The following SLC28A2 variants were observed in gnomAD, a reference collection of about 807,000 sequenced individuals.
SLC28A2 encodes sodium/nucleoside cotransporter 2.
SLC28A2 carries 69 observed loss-of-function variants against 72.9 expected under a neutral mutation model. The observed-to-expected ratio is 0.95, with a 90% confidence interval of 0.78 to 1.16. The LOEUF is 1.16. Among genes scored for constraint, SLC28A2 ranks in the 50% most tolerant of loss-of-function variants. SLC28A2 has a pLI of 0.00. For synonymous variants in SLC28A2, 296 were observed against 294.1 expected, an observed-to-expected ratio of 1.01 and a Z score of -0.07; for missense variants, 745 against 791.1, an observed-to-expected ratio of 0.94 and a Z score of 0.70.
At chr15:45,264,089 C>T (rs1374281131) in intron 6 of SLC28A2, 67 bp downstream of exon 6, 14 of 1,422,546 alleles carry the variant, frequency 9.8e-6, no homozygotes, top group South Asian at 2.9e-5. Context: ...AATCATAAAG[C>T]GTATGCATCA....
At chr15:45,264,583 A>G in intron 6 of SLC28A2, 72 bp from the exon 7 acceptor site, 4 of 1,008,952 alleles carry the variant, frequency 4.0e-6, no homozygotes, top group Non-Finnish European at 3.2e-6. Flanking sequence ...CACCCAGAGT[A>G]CATGTTTAAA....
intron 3 of SLC28A2, among the ~76,000 whole-genome samples, chr15:45,256,276 C>T (rs2140559631): frequency 6.6e-6 from 1 of 152,260 alleles, no homozygotes; most frequent in Admixed American, 6.5e-5. Context: ...CCCAAACAAT[C>T]CTCATGTCTC....
At position 45,277,586 on chromosome 15, in the gene SLC28A2, C is replaced by T. The variant is rs1434396344; in HGVS notation, c.*2073C>T. The T allele has an allele frequency of 1.3e-5, 2 of 150,786 alleles. No individual in the cohort carries two copies. Among genetic ancestry groups the T allele is most frequent in the African/African-American group, 4.9e-5 (2 of 40,970 alleles). The allele number at this position is 150,786 out of a possible 1,614,324, so 9.3% of individuals were successfully genotyped here. ...CAAAAGTCTTATTATTGCATGATTC[C>T]ATTTAGATGAAATATTCAGAATATA... On this transcript the variant is annotated 3_prime_UTR_variant, in exon 18 of 18. Transcript: ENST00000347644.
Position 45,273,834 on chromosome 15 carries a change from T to C in SLC28A2, c.1859+1050T>C, listed in dbSNP as rs1337200485. 4.6e-5 allele frequency among the ~76,000 whole-genome samples: 7 copies of C among 152,178 alleles called. No individual in the cohort carries two copies. The East Asian group carries it at 1.3e-3, about 29-fold the overall frequency. On this transcript the variant is annotated intron_variant, in intron 17 of 17. Transcript: ENST00000347644. ...GAGGAAGGAGTCTCAAGTGACTATC[T>C]CTTTTCCGGCATAAGCAAGTGGGTC... is the stretch of plus-strand genomic sequence containing the variant.
chr15:45,272,385 G>A lies in SLC28A2; in HGVS notation c.1739G>A (p.Cys580Tyr). The stretch of plus-strand genomic sequence containing the variant: ...GCCTGTGTATCCCTTATCAGTGCCT[G>A]TATGGCAGGTAGGTGCCTCAGCTCT... ...TGACVSLISA[C>Y]MAGILYVPRG... The change falls in exon 16 of 18, where the codon TGT becomes TAT. Residue 580 changes from cysteine to tyrosine, a missense_variant. By Grantham distance (194) the Cys-to-Tyr change is radical. Transcript: ENST00000347644. The A allele has an allele frequency of 6.2e-7, 1 of 1,612,850 alleles. No homozygotes were observed. The highest frequency in any genetic ancestry group is 8.5e-7 in the Non-Finnish European group (1 of 1,179,038).
At chr15:45,269,900 T>C (rs1002957587) in intron 14 of SLC28A2, among the ~76,000 whole-genome samples, 3 of 152,216 alleles carry the variant, frequency 2.0e-5, no homozygotes, top group Admixed American at 6.5e-5. Flanking sequence ...ATTAATATTC[T>C]TTTTCTTTCC....
At chr15:45,272,024 G>A (rs1055456502) in intron 15 of SLC28A2, 2 of 373,034 alleles carry the variant, frequency 5.4e-6, no homozygotes, top group Admixed American at 4.3e-5. Context: ...GCTTTATCCA[G>A]ATACATCTTG....
chr15:45,272,205 T>A, intron 15 of SLC28A2, 90 bp from the exon 16 acceptor site: 1 of 976,552 alleles, frequency 1.0e-6, no homozygotes, highest in Admixed American at 2.0e-5. Flanking sequence ...GTGTTTTGTT[T>A]CTCTGCGTTC....
chr15:45,259,293 C>G (rs12915314), intron 3 of SLC28A2, among the ~76,000 whole-genome samples: 71,969 of 151,870 alleles, frequency 0.47, 20,721 homozygotes, highest in Non-Finnish European at 0.67. Context: ...ATATTTTAAG[C>G]CATCATGTTG....
At chr15:45,255,927 C>T (rs1012955146) in intron 3 of SLC28A2, 4 of 152,286 alleles carry the variant, frequency 2.6e-5, no homozygotes, top group African/African-American at 9.7e-5. Flanking sequence ...CCAGCTTCCC[C>T]TGCACCACTG....
chr15:45,267,166 T>C (rs192769861), intron 10 of SLC28A2, among the ~76,000 whole-genome samples: 143 of 152,350 alleles, frequency 9.4e-4, no homozygotes, highest in African/African-American at 3.4e-3. Flanking sequence ...AAATATACCA[T>C]TTCTCTTCTA....
intron 17 of SLC28A2, among the ~76,000 whole-genome samples, chr15:45,274,874 G>C (rs986512304): frequency 3.3e-5 from 5 of 151,990 alleles, no homozygotes; most frequent in Non-Finnish European, 5.9e-5. Context: ...CACAGGCCAG[G>C]CATGTGTCAC....
intron 16 of SLC28A2, 119 bp from the exon 17 acceptor site, chr15:45,272,554 C>A: frequency 1.2e-6 from 1 of 823,756 alleles, no homozygotes; most frequent in Non-Finnish European, 2.0e-6. Context: ...CCATGCATTC[C>A]ACAGATACAT....
intron 3 of SLC28A2, among the ~76,000 whole-genome samples, chr15:45,258,680 G>A (rs57259026): frequency 0.063 from 9,595 of 152,082 alleles, 1,008 homozygotes; most frequent in African/African-American, 0.22. Flanking sequence ...ATTGTACTTT[G>A]TACATTTTTA....
At chr15:45,263,473 G>A (rs539800908) in intron 5 of SLC28A2, among the ~76,000 whole-genome samples, 5 of 152,194 alleles carry the variant, frequency 3.3e-5, no homozygotes, top group Non-Finnish European at 5.9e-5. Flanking sequence ...TCAGAGAAGA[G>A]TTTTAGTCTG....
intron 1 of SLC28A2, 94 bp from the exon 2 acceptor site, chr15:45,253,106 C>T (rs553263481): frequency 2.6e-5 from 18 of 699,886 alleles, no homozygotes; most frequent in African/African-American, 1.9e-4. Flanking sequence ...TTTAGTTTTG[C>T]GTTTTCCATG....
At chr15:45,253,551 G>A (rs771163390) in intron 3 of SLC28A2, 31 bp downstream of exon 3, 1 of 1,511,090 alleles carries the variant, frequency 6.6e-7, no homozygotes, top group South Asian at 1.1e-5. Context: ...TGTTCAGTTA[G>A]GAAAGGATCT....
intron 14 of SLC28A2, 70 bp downstream of exon 14, chr15:45,269,605 G>C (rs1002987164): frequency 1.2e-4 from 171 of 1,395,692 alleles, no homozygotes; most frequent in Non-Finnish European, 1.6e-4. Context: ...TAGACAGAAA[G>C]TGCCAAACAG....
At chr15:45,267,904 T>C in intron 12 of SLC28A2, 108 bp downstream of exon 12, 1 of 1,325,958 alleles carries the variant, frequency 7.5e-7, no homozygotes, top group Non-Finnish European at 1.1e-6. Context: ...TGTGATTCCA[T>C]ATTCCTTCTT....
Sources: gnomAD v4.1 joint callset for allele counts (sites outside exome capture counted in the v4.1 genomes callset) on GRCh38, gnomAD v4.1.1 for gene constraint, MANE v1.5 for transcripts, NCBI Gene and HGNC (gene_info 2026-07-23, HGNC 2026-07-21) for gene names.